IGSF21: variants seen among roughly 807,000 people sequenced by gnomAD.
The protein encoded by IGSF21 is immunoglobin superfamily member 21, also known as immunoglobulin superfamily member 21.
Under a neutral mutation model 46.8 loss-of-function variants are expected in IGSF21, and 28 were observed. The ratio of observed to expected loss-of-function variants is 0.60; its 90% CI spans 0.44 to 0.82. The LOEUF is 0.82. Among genes scored for constraint, IGSF21 ranks in the 40% least tolerant of loss-of-function variants. IGSF21 has a pLI of 0.00. For synonymous variants in IGSF21, 284 were observed against 273.6 expected (o/e 1.04, Z -0.38); for missense variants, 624 against 665.5 (o/e 0.94, Z 0.69).
chr1:18,356,884 G>T (rs890962545), intron 4 of IGSF21, among the ~76,000 whole-genome samples: 10 of 152,016 alleles, frequency 6.6e-5, no homozygotes, highest in Admixed American at 5.9e-4. Flanking sequence ...AGTTGAAGTT[G>T]GTCGTGAGAT....
In IGSF21 at chr1:18,365,583, G is replaced by A; in HGVS notation, c.901G>A (p.Val301Ile). 1.2e-6 allele frequency: 2 copies of A among 1,614,196 alleles called. No homozygotes were observed. Among genetic ancestry groups the A allele is most frequent in the African/African-American group, 2.7e-5 (2 of 75,058 alleles). The change falls in exon 6 of 10, where the codon GTA becomes ATA. Residue 301 changes from valine to isoleucine, a missense_variant. By Grantham distance (29) the Val-to-Ile change is conservative (BLOSUM62 3). Coordinates refer to ENST00000251296, the MANE Select transcript of IGSF21 (RefSeq NM_032880.5). This position sits in a 1 kb window ranked among gnomAD's most constrained non-coding sequence, Gnocchi z 4.8. ...CCCGAGCAGTGACGGCACTGTGGAA[G>A]TACGTGCCCTGCTCACCTGGACCCT... Reference protein sequence around the residue: ...RTPSSDGTVEVRALLTWTLNP... With the variant: ...RTPSSDGTVEIRALLTWTLNP...
At position 18,256,570 on chromosome 1, in the gene IGSF21, C is replaced by T. The variant is rs535734275; in HGVS notation, c.183+28560C>T. 4.6e-5 allele frequency among the ~76,000 whole-genome samples: 7 copies of T among 152,278 alleles called. No individual in the cohort carries two copies. The South Asian group carries it at 8.3e-4, about 18-fold the overall frequency. ...ACTCAGAAACCACCCTGGCGGTGCC[C>T]TGTGCGCTTCTCCTGGATGTTTCCC... On this transcript the variant is annotated intron_variant, in intron 2 of 9. Coordinates refer to ENST00000251296, the MANE Select transcript of IGSF21 (RefSeq NM_032880.5).
intron 3 of IGSF21, among the ~76,000 whole-genome samples, chr1:18,299,664 A>G (rs1444573330): frequency 6.6e-6 from 1 of 152,152 alleles, no homozygotes; most frequent in Non-Finnish European, 1.5e-5. Context: ...CTAACTCTCC[A>G]AGAATACGCT....
chr1:18,206,542 C>A (rs2084329516), intron 1 of IGSF21, among the ~76,000 whole-genome samples: 1 of 148,030 alleles, frequency 6.8e-6, no homozygotes, highest in Non-Finnish European at 1.5e-5. Context: ...GAGTGAGACC[C>A]CGTCTCAAAA....
At chr1:18,229,074 A>G (rs1392030391) in intron 2 of IGSF21, among the ~76,000 whole-genome samples, 2 of 152,204 alleles carry the variant, frequency 1.3e-5, no homozygotes, top group East Asian at 1.9e-4. Flanking sequence ...AGAACAGGCT[A>G]TAGAATGACT....
intron 1 of IGSF21, among the ~76,000 whole-genome samples, chr1:18,161,239 C>T (rs902069416): frequency 3.9e-5 from 6 of 152,240 alleles, no homozygotes; most frequent in Non-Finnish European, 8.8e-5. Context: ...CTGGCATGAA[C>T]GAGAAGGGAA....
chr1:18,140,638 T>A (rs2086407446), intron 1 of IGSF21, among the ~76,000 whole-genome samples: 1 of 152,194 alleles, frequency 6.6e-6, no homozygotes, highest in Admixed American at 6.5e-5. Context: ...CTCTGCCTGG[T>A]TGCCTTCCCA....
chr1:18,335,144 C>A lies in IGSF21; in HGVS notation c.424+134C>A. 1 of 709,150 alleles carries A rather than the reference C, an allele frequency of 1.4e-6. No individual in the cohort carries two copies. Among genetic ancestry groups the A allele is most frequent in the South Asian group, 1.7e-5 (1 of 58,230 alleles). The allele number at this position is 709,150 out of a possible 1,614,324, so 43.9% of individuals were successfully genotyped here. A position where few individuals can be genotyped will look rare whatever the true frequency, so the allele number is the denominator to read the frequency against. On this transcript the variant is annotated intron_variant, in intron 4 of 9. Coordinates refer to ENST00000251296, the MANE Select transcript of IGSF21 (RefSeq NM_032880.5). The surrounding 1 kb of genome is among the most constrained non-coding windows in gnomAD (Gnocchi z 4.8). ...TCTGTTGTGCTGGTGTCTTCCCTTT[C>A]CTGCTCTTGTTGTGGAGGGGCAACC...
intron 6 of IGSF21, among the ~76,000 whole-genome samples, chr1:18,372,380 A>G (rs531071589): frequency 6.6e-6 from 1 of 152,380 alleles, no homozygotes; most frequent in African/African-American, 2.4e-5. Context: ...TAGGTGTACA[A>G]TAAAGAATTA....
At chr1:18,243,277 T>G (rs1477458612) in intron 2 of IGSF21, among the ~76,000 whole-genome samples, 1 of 152,098 alleles carries the variant, frequency 6.6e-6, no homozygotes, top group African/African-American at 2.4e-5. Context: ...ACCCCTCCCT[T>G]AGTCTTCTCC....
chr1:18,302,001 C>T (rs10907303), intron 3 of IGSF21, among the ~76,000 whole-genome samples: 108,863 of 151,950 alleles, frequency 0.72, 41,284 homozygotes, highest in East Asian at 0.95. Context: ...TCAAATGCTC[C>T]GCCTCAGTCC....
chr1:18,168,007 C>T (rs1385255947), intron 1 of IGSF21, among the ~76,000 whole-genome samples: 8 of 152,072 alleles, frequency 5.3e-5, no homozygotes, highest in Admixed American at 5.2e-4. Context: ...TTTTAATGAC[C>T]ACATTCATGG....
intron 2 of IGSF21, among the ~76,000 whole-genome samples, chr1:18,273,262 A>G (rs2124547357): frequency 6.6e-6 from 1 of 151,216 alleles, no homozygotes; most frequent in Admixed American, 6.6e-5. Context: ...GCTGGTCTTG[A>G]ACTCCTGACC....
chr1:18,256,530 G>C (rs1198751299), intron 2 of IGSF21, among the ~76,000 whole-genome samples: 1 of 152,128 alleles, frequency 6.6e-6, no homozygotes, highest in African/African-American at 2.4e-5. Context: ...CCGTGTTTCA[G>C]CAAGGGGCAG....
At chr1:18,305,209 T>A (rs2124579397) in intron 3 of IGSF21, among the ~76,000 whole-genome samples, 3 of 148,794 alleles carry the variant, frequency 2.0e-5, no homozygotes, top group East Asian at 2.0e-4. Context: ...GATGGATGAA[T>A]GGATAATGGA....
At chr1:18,178,623 A>G (rs528029417) in intron 1 of IGSF21, among the ~76,000 whole-genome samples, 1 of 152,278 alleles carries the variant, frequency 6.6e-6, no homozygotes, top group South Asian at 2.1e-4. Context: ...ACGAGCATAG[A>G]TTGTTCAGTT....
At chr1:18,186,138 G>A (rs921851) in intron 1 of IGSF21, among the ~76,000 whole-genome samples, 9,776 of 152,226 alleles carry the variant, frequency 0.064, 410 homozygotes, top group South Asian at 0.11. Flanking sequence ...CTGTCCCCCA[G>A]ACACTTGCTG....
intron 2 of IGSF21, among the ~76,000 whole-genome samples, chr1:18,256,221 C>A (rs190533130): frequency 6.6e-6 from 1 of 152,198 alleles, no homozygotes; most frequent in Admixed American, 6.5e-5. Flanking sequence ...TTCCTACCCC[C>A]CTTTAGGCTG....
chr1:18,353,012 G>C (rs965927440), intron 4 of IGSF21, among the ~76,000 whole-genome samples: 2 of 152,154 alleles, frequency 1.3e-5, no homozygotes, highest in East Asian at 3.9e-4. Flanking sequence ...CCGCTTTCAA[G>C]TTTGGGGGTG....
Sources: allele counts gnomAD v4.1 joint callset (sites outside exome capture counted in the v4.1 genomes callset), GRCh38; gene constraint gnomAD v4.1.1; non-coding constraint Gnocchi (gnomAD v3.1); transcripts MANE v1.5; gene names NCBI Gene and HGNC (gene_info 2026-07-23, HGNC 2026-07-21).